Variants in MBNL1 observed in about 807,000 individuals in gnomAD.
MBNL1 encodes muscleblind like splicing regulator 1, also known as muscleblind-like protein 1.
Under a neutral mutation model 42.2 loss-of-function variants are expected in MBNL1, and 8 were observed. That is an observed-to-expected ratio of 0.19 (90% CI 0.11 to 0.34). The LOEUF (loss-of-function observed/expected upper bound fraction) is 0.34. MBNL1 is among the 10% of genes least tolerant of loss of function. MBNL1 has a pLI of 1.00. For synonymous variants in MBNL1, 169 were observed against 173.9 expected (o/e 0.97, Z 0.22); for missense variants, 309 against 495.3 (o/e 0.62, Z 3.57).
intron 2 of MBNL1, among the ~76,000 whole-genome samples, chr3:152,312,659 G>T (rs2067506506): frequency 6.6e-6 from 1 of 152,134 alleles, no homozygotes; most frequent in East Asian, 1.9e-4. Flanking sequence ...TTCAAACTTG[G>T]TATGTAATTC....
At chr3:152,374,882 A>G (rs1169089841) in intron 2 of MBNL1, among the ~76,000 whole-genome samples, 1 of 152,224 alleles carries the variant, frequency 6.6e-6, no homozygotes, top group East Asian at 1.9e-4. Flanking sequence ...ATGAGCAAAG[A>G]AGAGTTGATT....
intron 2 of MBNL1, chr3:152,340,990 G>T: frequency 6.9e-7 from 1 of 1,458,594 alleles, no homozygotes; most frequent in South Asian, 1.5e-5. Flanking sequence ...AAATTGATGA[G>T]GGGACACAAA....
chr3:152,459,208 T>G (rs1218476154), intron 8 of MBNL1, 63 bp from the exon 9 acceptor site: 1 of 848,364 alleles, frequency 1.2e-6, no homozygotes, highest in Non-Finnish European at 1.8e-6. Context: ...TTAAAATGTT[T>G]TCATCTCTTA....
At chr3:152,455,761 C>T (rs1732418435) in intron 7 of MBNL1, among the ~76,000 whole-genome samples, 184 bp downstream of exon 7, 1 of 152,132 alleles carries the variant, frequency 6.6e-6, no homozygotes, top group Non-Finnish European at 1.5e-5. Context: ...TTTCTTTACA[C>T]ACAACAGTTT....
At chr3:152,406,912 GT>G (rs1432238046) in intron 2 of MBNL1, among the ~76,000 whole-genome samples, 1 of 152,072 alleles carries the variant, frequency 6.6e-6, no homozygotes, top group Non-Finnish European at 1.5e-5. Context: ...GTTTAATGCC[GT>G]TAAAAAGAAT....
chr3:152,449,119 C>T (rs139579652), intron 6 of MBNL1, among the ~76,000 whole-genome samples: 23 of 152,116 alleles, frequency 1.5e-4, no homozygotes, highest in African/African-American at 4.8e-4. Flanking sequence ...TTTTCGCTGC[C>T]CCCAACAAAC....
chr3:152,302,378 G>A (rs1165935640), intron 2 of MBNL1: 1 of 151,898 alleles, frequency 6.6e-6, no homozygotes, highest in Non-Finnish European at 1.5e-5. Context: ...ATTTATTTAT[G>A]ATGGAGCTTC....
rs148596114 is a variant in MBNL1, at chr3:152,328,451, T to G, written c.174+28084T>G. Among the ~76,000 whole-genome samples, 4 of 152,262 alleles carry G rather than the reference T, an allele frequency of 2.6e-5. No individual in the cohort carries two copies. In the East Asian group the frequency reaches 5.8e-4, roughly 22 times the overall value. ...ATTCTAAACATCTTCTGAGATGTTT[T>G]CTCTAAAGCAGAAACTCAGCTTTTA... On this transcript the variant is annotated intron_variant, in intron 2 of 9. Transcript: ENST00000324210.
At chr3:152,288,076 G>A (rs1359124748) in intron 1 of MBNL1, among the ~76,000 whole-genome samples, 1 of 151,930 alleles carries the variant, frequency 6.6e-6, no homozygotes, top group Non-Finnish European at 1.5e-5. Flanking sequence ...CTGACTACAC[G>A]GTAAAATCAC....
chr3:152,326,204 G>A (rs1043123797), intron 2 of MBNL1, among the ~76,000 whole-genome samples: 1 of 152,060 alleles, frequency 6.6e-6, no homozygotes, highest in Non-Finnish European at 1.5e-5. Flanking sequence ...TAATAGGTAC[G>A]TTTTTCCAGT....
chr3:152,325,905 TA>T (rs1172177138), intron 2 of MBNL1, among the ~76,000 whole-genome samples: 1 of 152,060 alleles, frequency 6.6e-6, no homozygotes, highest in East Asian at 1.9e-4. Flanking sequence ...ACCCCCTCCA[TA>T]TATCTATCAG....
At chr3:152,453,498 T>C (rs918179110) in intron 6 of MBNL1, among the ~76,000 whole-genome samples, 1 of 152,242 alleles carries the variant, frequency 6.6e-6, no homozygotes, top group Admixed American at 6.5e-5. Context: ...TGCTTTGTGC[T>C]GAAAATTGAG....
chr3:152,388,120 A>G (rs2097528882), intron 2 of MBNL1, among the ~76,000 whole-genome samples: 1 of 152,168 alleles, frequency 6.6e-6, no homozygotes, highest in Non-Finnish European at 1.5e-5. Context: ...TTTAACATTC[A>G]GGAACTGTCC....
chr3:152,423,456 G>T (rs2098839342), intron 3 of MBNL1, among the ~76,000 whole-genome samples: 2 of 152,042 alleles, frequency 1.3e-5, no homozygotes. Flanking sequence ...CTATCAACCA[G>T]AAAAAGCCCA....
chr3:152,247,059 G>C (rs988664553), intron 2 of MBNL1, among the ~76,000 whole-genome samples: 3 of 152,084 alleles, frequency 2.0e-5, no homozygotes, highest in Non-Finnish European at 2.9e-5. Flanking sequence ...AACATTGAAA[G>C]ATTTAGTTTT....
At chr3:152,342,827 A>G (rs1177341360) in intron 2 of MBNL1, among the ~76,000 whole-genome samples, 1 of 152,186 alleles carries the variant, frequency 6.6e-6, no homozygotes, top group Non-Finnish European at 1.5e-5. Flanking sequence ...AACTAAAAAC[A>G]GTATCAGTTG....
At chr3:152,345,120 T>A (rs11710906) in intron 2 of MBNL1, among the ~76,000 whole-genome samples, 25,224 of 152,058 alleles carry the variant, frequency 0.17, 2,306 homozygotes, top group East Asian at 0.27. Context: ...TGCCTGTTTT[T>A]AATTTATTTT....
intron 2 of MBNL1, among the ~76,000 whole-genome samples, chr3:152,369,960 A>C (rs935882581): frequency 1.3e-5 from 2 of 152,148 alleles, no homozygotes; most frequent in African/African-American, 4.8e-5. Flanking sequence ...TCAAAAAACC[A>C]GCTCCTGGAT....
chr3:152,381,079 T>C (rs1435587790), intron 2 of MBNL1, among the ~76,000 whole-genome samples: 2 of 152,096 alleles, frequency 1.3e-5, no homozygotes, highest in Non-Finnish European at 2.9e-5. Flanking sequence ...ATGCATCTTT[T>C]CTCAAACTAA....
Sources: gnomAD v4.1 joint callset for allele counts (sites outside exome capture counted in the v4.1 genomes callset) on GRCh38, gnomAD v4.1.1 for gene constraint, MANE v1.5 for transcripts, NCBI Gene and HGNC (gene_info 2026-07-23, HGNC 2026-07-21) for gene names.